Variants in CD79A observed in about 807,000 individuals in gnomAD.
The protein encoded by CD79A is CD79a molecule.
In CD79A, 16 loss-of-function variants were observed where a neutral mutation model predicts 27.4. The ratio of observed to expected loss-of-function variants is 0.58; its 90% CI spans 0.40 to 0.89. The LOEUF (loss-of-function observed/expected upper bound fraction) is 0.89, where lower values mean the gene tolerates loss of function less well. Among genes scored for constraint, CD79A ranks in the 40% least tolerant of loss-of-function variants. CD79A has a pLI of 0.00. For missense variants in CD79A, 237 were observed against 299.7 expected, an observed-to-expected ratio of 0.79 and a Z score of 1.55; for synonymous variants, 110 against 132.7, an observed-to-expected ratio of 0.83 and a Z score of 1.18.
In CD79A at chr19:41,881,339, G is replaced by T. The variant is rs2074224211; in HGVS notation, c.*359G>T. On this transcript the variant is annotated 3_prime_UTR_variant, in exon 5 of 5. Transcript: ENST00000221972. ...ACCCCCTCCTCCCTGATCTGTCAGG[G>T]CCACTTAGTGATAATAAATTCTTCC... 1 of 426,442 alleles carries T rather than the reference G, an allele frequency of 2.3e-6. No individual in the cohort carries two copies. The highest frequency in any genetic ancestry group is 4.4e-6 in the Non-Finnish European group (1 of 228,284). 26.4% of individuals were successfully genotyped at this position (426,442 alleles called of 1,614,324 possible). A position where few individuals can be genotyped will look rare whatever the true frequency, so the allele number is the denominator to read the frequency against.
Position 41,879,492 on chromosome 19 carries a change from G to A in CD79A, c.380-43G>A, listed in dbSNP as rs1039796281. The A allele has an allele frequency of 2.8e-6, 4 of 1,447,342 alleles. No individual in the cohort carries two copies. The Admixed American group carries it at 5.3e-5, about 19-fold the overall frequency. 89.7% of individuals were successfully genotyped at this position (1,447,342 alleles called of 1,614,324 possible). The stretch of plus-strand genomic sequence containing the variant: ...TGGGCGGGGCCAGGAGGCTAGGGAG[G>A]GCAAGAGGGGCCAGGGCTCTGAGCC... On this transcript the variant is annotated intron_variant, in intron 2 of 4. Coordinates refer to ENST00000221972, the MANE Select transcript of CD79A (RefSeq NM_001783.4). This position sits in a 1 kb window ranked among gnomAD's most constrained non-coding sequence, Gnocchi z 5.1.
Position 41,879,403 on chromosome 19 carries a change from C to G in CD79A, c.379+114C>G, listed in dbSNP as rs2074207650. 1 of 1,260,292 alleles carries G rather than the reference C, an allele frequency of 7.9e-7. No individual in the cohort carries two copies. The highest frequency in any genetic ancestry group is 2.0e-5 in the Admixed American group (1 of 50,992). The allele number at this position is 1,260,292 out of a possible 1,614,324, so 78.1% of individuals were successfully genotyped here. A position where few individuals can be genotyped will look rare whatever the true frequency, so the allele number is the denominator to read the frequency against. ...AATGTGGGTTTCAAACCGGCTTGGA[C>G]AGAGGGACGGACATTCTCCTCTGCA... is the stretch of plus-strand genomic sequence containing the variant. On this transcript the variant is annotated intron_variant, in intron 2 of 4. Transcript: ENST00000221972. The surrounding 1 kb of genome is among the most constrained non-coding windows in gnomAD (Gnocchi z 5.1).
intron 3 of CD79A, among the ~76,000 whole-genome samples, chr19:41,880,451 GGGAA>G (rs782467863): frequency 0.14 from 14,705 of 101,944 alleles, 1,287 homozygotes; most frequent in African/African-American, 0.21. Flanking sequence ...AGGAAGGGAA[GGGAA>G]GGAAGGAAGG....
At position 41,880,920 on chromosome 19, in the gene CD79A, G is replaced by A; in HGVS notation, c.621G>A (p.Gln207=). 6.2e-7 allele frequency: 1 copy of A among 1,604,770 alleles called. No homozygotes were observed. The highest frequency in any genetic ancestry group is 8.5e-7 in the Non-Finnish European group (1 of 1,176,484). Reference sequence around the variant, plus strand: ...ATGAGGACATCTCCCGGGGCCTCCAGGGCACCTACCAGGATGTGGGCAGCC... The same window carrying A: ...ATGAGGACATCTCCCGGGGCCTCCAAGGCACCTACCAGGATGTGGGCAGCC... ...SMYEDISRGL[Q]GTYQDVGSLN... is the part of the protein sequence containing the mutation. Residue 207 remains glutamine, a synonymous_variant, in exon 5 of 5, where the codon CAG becomes CAA. Coordinates refer to ENST00000221972, the MANE Select transcript of CD79A (RefSeq NM_001783.4).
At position 41,881,068 on chromosome 19, in the gene CD79A, C is replaced by T; in HGVS notation, c.*88C>T. The T allele has an allele frequency of 1.2e-6, 1 of 845,606 alleles. No homozygotes were observed. The highest frequency in any genetic ancestry group is 1.9e-6 in the Non-Finnish European group (1 of 516,676). The allele number at this position is 845,606 out of a possible 1,614,324, so 52.4% of individuals were successfully genotyped here. On this transcript the variant is annotated 3_prime_UTR_variant, in exon 5 of 5. Coordinates refer to ENST00000221972, the MANE Select transcript of CD79A (RefSeq NM_001783.4). ...CTTCCCTGGGACATTCTCCTTTCAG[C>T]CCTTCTGGGGGCTTCCTTAGTCATA...
intron 3 of CD79A, among the ~76,000 whole-genome samples, 183 bp from the exon 4 acceptor site, chr19:41,880,487 A>AGGAAGGAG (rs2074216802): frequency 6.7e-6 from 1 of 149,998 alleles, no homozygotes; most frequent in Non-Finnish European, 1.5e-5. Flanking sequence ...GAAGGAAGGA[A>AGGAAGGAG]GGAAGGAAGG....
At chr19:41,880,526 A>G in intron 3 of CD79A, 144 bp from the exon 4 acceptor site, 1 of 706,178 alleles carries the variant, frequency 1.4e-6, no homozygotes, top group South Asian at 1.5e-5. Context: ...TTGTAGACTC[A>G]GAGAGAACTG....
In CD79A at chr19:41,879,743, C is replaced by T. The variant is rs1163642977; in HGVS notation, c.498+90C>T. On this transcript the variant is annotated intron_variant, in intron 3 of 4. Transcript: ENST00000221972. The surrounding 1 kb of genome is among the most constrained non-coding windows in gnomAD (Gnocchi z 5.1). ...AGGTAGCCCTCTAGAGCCTGAGGTT[C>T]CCCATCCAAAACTTGGGAGAATGAA... is the stretch of plus-strand genomic sequence containing the variant. 7 of 810,642 alleles carry T rather than the reference C, an allele frequency of 8.6e-6. No homozygotes were observed. The highest frequency in any genetic ancestry group is 1.7e-5 in the African/African-American group (1 of 59,428). 50.2% of individuals were successfully genotyped at this position (810,642 alleles called of 1,614,324 possible).
chr19:41,881,352 A>G lies in CD79A; in HGVS notation c.*372A>G. 7.5e-6 allele frequency: 3 copies of G among 401,186 alleles called. No individual in the cohort carries two copies. Among genetic ancestry groups the G allele is most frequent in the East Asian group, 8.3e-5 (2 of 24,138 alleles). The allele number at this position is 401,186 out of a possible 1,614,324, so 24.9% of individuals were successfully genotyped here. A position where few individuals can be genotyped will look rare whatever the true frequency, so the allele number is the denominator to read the frequency against. On this transcript the variant is annotated 3_prime_UTR_variant, in exon 5 of 5. Transcript: ENST00000221972. ...TGATCTGTCAGGGCCACTTAGTGATAATAAATTCTTCCCAACTGCAGACCT... is the reference window on the plus strand; with the variant it reads ...TGATCTGTCAGGGCCACTTAGTGATGATAAATTCTTCCCAACTGCAGACCT...
chr19:41,879,164 A>G lies in CD79A; in HGVS notation c.254A>G (p.Glu85Gly). ...TWPPEFLGPG[E>G]DPNGTLIIQN... ...CCCCCTGAGTTCTTGGGCCCGGGCG[A>G]GGACCCCAATGGTACGCTGATCATC... is the stretch of plus-strand genomic sequence containing the variant. Residue 85 changes from glutamate to glycine, a missense_variant, in exon 2 of 5, where the codon GAG becomes GGG. Glu to Gly is a moderately conservative substitution (Grantham distance 98). Coordinates refer to ENST00000221972, the MANE Select transcript of CD79A (RefSeq NM_001783.4). This position sits in a 1 kb window ranked among gnomAD's most constrained non-coding sequence, Gnocchi z 5.1. 1 of 1,614,034 alleles carries G rather than the reference A, an allele frequency of 6.2e-7. No homozygotes were observed. Among genetic ancestry groups the G allele is most frequent in the Non-Finnish European group, 8.5e-7 (1 of 1,180,016 alleles).
In CD79A at chr19:41,879,850, G is replaced by A. The variant is rs1024208146; in HGVS notation, c.498+197G>A. Among the ~76,000 whole-genome samples the A allele has an allele frequency of 4.6e-5, 7 of 152,122 alleles. No homozygotes were observed. Among genetic ancestry groups the A allele is most frequent in the African/African-American group, 1.7e-4 (7 of 41,408 alleles). ...TGAACTGGCGCTGAGCCCAGGGGGT[G>A]TCTTCAATTTAGTTTCCCCTTCTGG... On this transcript the variant is annotated intron_variant, in intron 3 of 4. Coordinates refer to ENST00000221972, the MANE Select transcript of CD79A (RefSeq NM_001783.4). The surrounding 1 kb of genome is among the most constrained non-coding windows in gnomAD (Gnocchi z 5.1).
intron 3 of CD79A, among the ~76,000 whole-genome samples, chr19:41,880,025 C>T (rs1338615470): frequency 6.6e-6 from 1 of 152,152 alleles, no homozygotes; most frequent in Admixed American, 6.5e-5. Flanking sequence ...CCCAGAATCT[C>T]TGATCTGTAC....
In CD79A at chr19:41,881,178, T is replaced by G; in HGVS notation, c.*198T>G. 2 of 627,112 alleles carry G rather than the reference T, an allele frequency of 3.2e-6. No homozygotes were observed. The highest frequency in any genetic ancestry group is 5.8e-6 in the Non-Finnish European group (2 of 344,418). The allele number at this position is 627,112 out of a possible 1,614,324, so 38.8% of individuals were successfully genotyped here. A position where few individuals can be genotyped will look rare whatever the true frequency, so the allele number is the denominator to read the frequency against. On this transcript the variant is annotated 3_prime_UTR_variant, in exon 5 of 5. Transcript: ENST00000221972. ...CTCCCCTGGGGGTGTCCCACTCTTC[T>G]TCCCTCTAAACTGCCCCACCTCCTA... is the stretch of plus-strand genomic sequence containing the variant.
At chr19:41,880,387 GAGAA>G (rs1196269513) in intron 3 of CD79A, among the ~76,000 whole-genome samples, 10 of 137,254 alleles carry the variant, frequency 7.3e-5, no homozygotes, top group Non-Finnish European at 1.3e-4. Context: ...GAGAGAGAGA[GAGAA>G]AGAGAGAGAG....
chr19:41,879,327 C>T lies in CD79A; in HGVS notation c.379+38C>T, dbSNP rs201748796. Reference sequence around the variant, plus strand: ...GCCCTGGCCCCTACTCCCACTGTCCCGCTGGGGACACTCGGTTTATCTTTG... The same window carrying T: ...GCCCTGGCCCCTACTCCCACTGTCCTGCTGGGGACACTCGGTTTATCTTTG... On this transcript the variant is annotated intron_variant, in intron 2 of 4. Transcript: ENST00000221972. This position sits in a 1 kb window ranked among gnomAD's most constrained non-coding sequence, Gnocchi z 5.1. 54 of 1,584,766 alleles carry T rather than the reference C, an allele frequency of 3.4e-5. No homozygotes were observed. In the East Asian group the frequency reaches 8.8e-4, roughly 26 times the overall value.
At chr19:41,880,628 T>C in intron 3 of CD79A, 42 bp from the exon 4 acceptor site, 1 of 1,453,762 alleles carries the variant, frequency 6.9e-7, no homozygotes, top group Non-Finnish European at 9.4e-7. Context: ...GATATTCACC[T>C]CCCCCTGCTC....
chr19:41,879,415 C>T lies in CD79A; in HGVS notation c.380-120C>T. The T allele has an allele frequency of 8.3e-7, 1 of 1,210,032 alleles. No homozygotes were observed. The highest frequency in any genetic ancestry group is 1.2e-6 in the Non-Finnish European group (1 of 847,286). 75.0% of individuals were successfully genotyped at this position (1,210,032 alleles called of 1,614,324 possible). Reference sequence around the variant, plus strand: ...AAACCGGCTTGGACAGAGGGACGGACATTCTCCTCTGCAGAGTGGGGTCTC... The same window carrying T: ...AAACCGGCTTGGACAGAGGGACGGATATTCTCCTCTGCAGAGTGGGGTCTC... On this transcript the variant is annotated intron_variant, in intron 2 of 4. Coordinates refer to ENST00000221972, the MANE Select transcript of CD79A (RefSeq NM_001783.4). This position sits in a 1 kb window ranked among gnomAD's most constrained non-coding sequence, Gnocchi z 5.1.
rs1389463015 is a variant in CD79A at position 41,877,382 on chromosome 19, G to C, written c.78G>C (p.Leu26=). ...TCTTCCTGCTGTCTGCTGTCTACCTGGGTATGTGGCCAAAGGGCAGGAACT... is the reference window on the plus strand; with the variant it reads ...TCTTCCTGCTGTCTGCTGTCTACCTCGGTATGTGGCCAAAGGGCAGGAACT... ...FLLFLLSAVY[L]GPGCQALWMH... is the part of the protein sequence containing the mutation. Residue 26 remains leucine, a splice_region_variant and synonymous_variant, in exon 1 of 5, where the codon CTG becomes CTC. Transcript: ENST00000221972. The surrounding 1 kb of genome is among the most constrained non-coding windows in gnomAD (Gnocchi z 4.1). 6.2e-7 allele frequency: 1 copy of C among 1,613,718 alleles called. No homozygotes were observed. The highest frequency in any genetic ancestry group is 1.3e-5 in the African/African-American group (1 of 74,924).
rs1555843435 is a variant in CD79A at position 41,878,972 on chromosome 19, C to T, written c.80-18C>T. 1.3e-6 allele frequency: 2 copies of T among 1,550,686 alleles called. No individual in the cohort carries two copies. Among genetic ancestry groups the T allele is most frequent in the South Asian group, 1.1e-5 (1 of 89,748 alleles). ...CACCATCCCCAGTCCCTGACCCACC[C>T]ACCCTGTCTCTCCACAGGCCCTGGG... On this transcript the variant is annotated intron_variant, in intron 1 of 4. Coordinates refer to ENST00000221972, the MANE Select transcript of CD79A (RefSeq NM_001783.4). This position sits in a 1 kb window ranked among gnomAD's most constrained non-coding sequence, Gnocchi z 4.3.
Sources: allele counts gnomAD v4.1 joint callset (sites outside exome capture counted in the v4.1 genomes callset), GRCh38; gene constraint gnomAD v4.1.1; non-coding constraint Gnocchi (gnomAD v3.1); transcripts MANE v1.5; gene names NCBI Gene and HGNC (gene_info 2026-07-23, HGNC 2026-07-21).